SGK1: variants seen among roughly 807,000 people sequenced by gnomAD.
SGK1 encodes serum/glucocorticoid regulated kinase 1.
A neutral mutation model predicts 64.2 loss-of-function variants in SGK1; 26 were observed. The observed-to-expected ratio is 0.40, with a 90% CI of 0.30 to 0.56. SGK1 has a LOEUF of 0.56. SGK1 is among the 20% of genes least tolerant of loss of function. The pLI, the probability that SGK1 is intolerant of heterozygous loss-of-function variation, is 0.38. For missense variants in SGK1, 519 were observed against 645.6 expected, an observed-to-expected ratio of 0.80 and a Z score of 2.12; for synonymous variants, 265 against 239.7, an observed-to-expected ratio of 1.11 and a Z score of -0.98.
At chr6:134,206,338 G>GACAT (rs1775769007) in intron 3 of SGK1, among the ~76,000 whole-genome samples, 1 of 32,762 alleles carries the variant, frequency 3.1e-5, no homozygotes, top group African/African-American at 8.5e-5. Context: ...TGTACCTGAT[G>GACAT]ATATATATAT....
intron 2 of SGK1, among the ~76,000 whole-genome samples, chr6:134,233,218 C>T (rs780938513): frequency 2.6e-5 from 4 of 152,180 alleles, no homozygotes; most frequent in Non-Finnish European, 2.9e-5. Context: ...ATACTTCTTT[C>T]AGTGTAAAAC....
intron 2 of SGK1, among the ~76,000 whole-genome samples, chr6:134,257,557 ACTTTTC>A (rs1470638866): frequency 6.6e-6 from 1 of 152,158 alleles, no homozygotes; most frequent in Non-Finnish European, 1.5e-5. Context: ...ATTTTATTGT[ACTTTTC>A]CTTTTACCTC....
intron 1 of SGK1, among the ~76,000 whole-genome samples, chr6:134,294,239 C>T (rs1378858800): frequency 1.3e-5 from 2 of 152,100 alleles, no homozygotes; most frequent in Non-Finnish European, 2.9e-5. Flanking sequence ...ATGAAATATA[C>T]ATCACATAAA....
At chr6:134,249,182 G>C (rs1776569657) in intron 2 of SGK1, among the ~76,000 whole-genome samples, 2 of 152,084 alleles carry the variant, frequency 1.3e-5, no homozygotes, top group African/African-American at 4.8e-5. Flanking sequence ...TAAACCTCCT[G>C]CAGAAAAAAT....
intron 4 of SGK1, 96 bp from the exon 5 acceptor site, chr6:134,174,176 G>C: frequency 1.2e-6 from 1 of 842,024 alleles, no homozygotes; most frequent in Non-Finnish European, 1.9e-6. Flanking sequence ...ACTTCTACCC[G>C]GATAATTCAC....
chr6:134,313,806 A>G (rs910184523), intron 1 of SGK1, among the ~76,000 whole-genome samples: 1 of 152,150 alleles, frequency 6.6e-6, no homozygotes, highest in Non-Finnish European at 1.5e-5. Context: ...TCCAAAAAGG[A>G]TTATCGAGTT....
Position 134,172,738 on chromosome 6 carries a change from CCAGGAAG to C in SGK1, c.864_870del (p.Cys288TrpfsTer12). On this transcript the variant is annotated frameshift_variant, in exon 9 of 14. Transcript: ENST00000367858. LOFTEE classifies it high-confidence loss of function. ...GCAGCATAGAAACGAGCCCGTGGTT[CCAGGAAG>C]CAGCGTTCCCTCTGGAGATGGTAGA... 6.2e-7 allele frequency: 1 copy of C among 1,614,076 alleles called. No homozygotes were observed. Among genetic ancestry groups the C allele is most frequent in the South Asian group, 1.1e-5 (1 of 91,072 alleles).
chr6:134,303,491 CTGTT>C (rs1164848098), intron 1 of SGK1, among the ~76,000 whole-genome samples: 6 of 151,786 alleles, frequency 4.0e-5, no homozygotes, highest in Admixed American at 6.6e-5. Context: ...GAGGCCAACA[CTGTT>C]TGTCTGATCT....
intron 1 of SGK1, among the ~76,000 whole-genome samples, chr6:134,278,869 A>G (rs561476301): frequency 6.6e-6 from 1 of 152,308 alleles, no homozygotes; most frequent in South Asian, 2.1e-4. Context: ...CACAAGAAAA[A>G]AAAAACCAAA....
chr6:134,289,451 C>T (rs576799177), intron 1 of SGK1, among the ~76,000 whole-genome samples: 143 of 152,124 alleles, frequency 9.4e-4, no homozygotes, highest in African/African-American at 3.3e-3. Context: ...ACCACAGACA[C>T]AATGTAAATG....
In SGK1 at chr6:134,268,654, C is replaced by G. The variant is rs973473120; in HGVS notation, c.70-6506G>C. ...AGGAGAATGGCGTGAACCCGGGAGGCGGAGCTTGCAGTGAGCTGAGATCGC... is the reference window on the plus strand; with the variant it reads ...AGGAGAATGGCGTGAACCCGGGAGGGGGAGCTTGCAGTGAGCTGAGATCGC... On this transcript the variant is annotated intron_variant, in intron 1 of 13. Coordinates refer to ENST00000367858, the MANE Select transcript of SGK1 (RefSeq NM_001143676.3). Among the ~76,000 whole-genome samples, 36 of 137,496 alleles carry G rather than the reference C, an allele frequency of 2.6e-4. 3 individuals carry two copies. The highest frequency in any genetic ancestry group is 3.7e-3 in the Middle Eastern group (1 of 270). The allele number at this position is 137,496 out of a possible 152,430, so 90.2% of individuals were successfully genotyped here. A position where few individuals can be genotyped will look rare whatever the true frequency, so the allele number is the denominator to read the frequency against.
At chr6:134,299,917 T>TA (rs951572543) in intron 1 of SGK1, among the ~76,000 whole-genome samples, 1 of 149,514 alleles carries the variant, frequency 6.7e-6, no homozygotes, top group African/African-American at 2.5e-5. Context: ...CTTCACAAAA[T>TA]AAAATGCTTT....
At chr6:134,254,294 C>G (rs147322343) in intron 2 of SGK1, among the ~76,000 whole-genome samples, 49 of 152,242 alleles carry the variant, frequency 3.2e-4, no homozygotes, top group African/African-American at 1.2e-3. Flanking sequence ...CATGGACACG[C>G]ACACACATAT....
At chr6:134,211,776 C>T (rs567757761) in intron 2 of SGK1, among the ~76,000 whole-genome samples, 9 of 151,264 alleles carry the variant, frequency 5.9e-5, no homozygotes, top group Admixed American at 3.3e-4. Context: ...TAAAATATCC[C>T]TCCTACTGAA....
intron 5 of SGK1, 164 bp from the exon 6 acceptor site, chr6:134,173,730 G>C: frequency 1.6e-6 from 1 of 615,074 alleles, no homozygotes; most frequent in Non-Finnish European, 2.8e-6. Context: ...AATGAGTATG[G>C]AAACTGCACA....
At chr6:134,221,978 A>T (rs1045408496) in intron 2 of SGK1, among the ~76,000 whole-genome samples, 2 of 152,148 alleles carry the variant, frequency 1.3e-5, no homozygotes, top group Non-Finnish European at 2.9e-5. Flanking sequence ...TTCGTTACTT[A>T]TCCCTAAATA....
intron 1 of SGK1, among the ~76,000 whole-genome samples, chr6:134,289,194 G>A (rs538054711): frequency 6.6e-6 from 1 of 152,318 alleles, no homozygotes; most frequent in East Asian, 1.9e-4. Flanking sequence ...AAAAAACTCT[G>A]TCTCCCTTGT....
At chr6:134,200,006 GA>G (rs1295949342) in intron 3 of SGK1, among the ~76,000 whole-genome samples, 5 of 152,102 alleles carry the variant, frequency 3.3e-5, no homozygotes, top group Non-Finnish European at 5.9e-5. Context: ...TAGTACTGGG[GA>G]AAAACACACA....
intron 2 of SGK1, among the ~76,000 whole-genome samples, chr6:134,217,144 G>A (rs1775999443): frequency 1.3e-5 from 2 of 152,210 alleles, no homozygotes; most frequent in South Asian, 4.1e-4. Flanking sequence ...TCACATGGGA[G>A]CTCTGAAAGT....
Sources: gnomAD v4.1 joint callset for allele counts (sites outside exome capture counted in the v4.1 genomes callset) on GRCh38, gnomAD v4.1.1 for gene constraint, MANE v1.5 for transcripts, NCBI Gene and HGNC (gene_info 2026-07-23, HGNC 2026-07-21) for gene names.